YTHDC2: variants seen among roughly 807,000 people sequenced by gnomAD.
YTHDC2 encodes the protein YTH N6-methyladenosine RNA binding protein C2.
Under a neutral mutation model 174.9 loss-of-function variants are expected in YTHDC2, and 45 were observed. The observed-to-expected ratio is 0.26, with a 90% CI of 0.20 to 0.33. YTHDC2 has a LOEUF of 0.33. Ranked by LOEUF, YTHDC2 falls within the 10% of genes least tolerant of loss-of-function variation. YTHDC2 has a pLI of 1.00. For missense variants in YTHDC2, 1,650 were observed against 1,723.7 expected (o/e 0.96, Z 0.76); for synonymous variants, 657 against 574.5 (o/e 1.14, Z -2.05).
chr5:113,562,878 A>G (rs1471877991), intron 18 of YTHDC2, among the ~76,000 whole-genome samples: 1 of 152,100 alleles, frequency 6.6e-6, no homozygotes, highest in Non-Finnish European at 1.5e-5. Flanking sequence ...GTAATTAAGT[A>G]GTTAATTATA....
chr5:113,556,076 G>A lies in YTHDC2; in HGVS notation c.2158G>A (p.Val720Ile). 2 of 1,607,132 alleles carry A rather than the reference G, an allele frequency of 1.2e-6. No individual in the cohort carries two copies. The change falls in exon 17 of 30, where the codon GTT becomes ATT. Residue 720 changes from valine to isoleucine, a missense_variant. Val to Ile is a conservative substitution (Grantham distance 29). Around this residue, in one of 5 missense-constraint regions of YTHDC2, gnomAD observed 913 missense variants for 940.4 expected, o/e 0.97. Transcript: ENST00000161863. The part of the protein sequence containing the change: ...KEKSFDALNF[V>I]TMLKMVWISK... Reference sequence around the variant, plus strand: ...GAAATCCTTTGATGCTCTGAATTTTGTTACAATGTTAAAAATGGTATGGAT... The same window carrying A: ...GAAATCCTTTGATGCTCTGAATTTTATTACAATGTTAAAAATGGTATGGAT...
chr5:113,588,273 T>G (rs1310492721), intron 26 of YTHDC2, among the ~76,000 whole-genome samples: 3 of 152,142 alleles, frequency 2.0e-5, no homozygotes, highest in Non-Finnish European at 2.9e-5. Flanking sequence ...ATCTTTCCCT[T>G]GATCTTAGGG....
intron 23 of YTHDC2, among the ~76,000 whole-genome samples, chr5:113,577,309 T>C (rs1457141816): frequency 1.3e-5 from 2 of 152,220 alleles, no homozygotes; most frequent in Non-Finnish European, 2.9e-5. Flanking sequence ...TTTTAAATAA[T>C]GAATATTCAT....
Position 113,566,140 on chromosome 5 carries a change from T to C in YTHDC2, c.2842+121T>C, listed in dbSNP as rs568372693. On this transcript the variant is annotated intron_variant, in intron 21 of 29. Transcript: ENST00000161863. ...TTTTATGACATTATCATGTTGTGTA[T>C]CTTATATTCATGCATGATTTGTAGA... 9.6e-6 allele frequency: 11 copies of C among 1,141,990 alleles called. No individual in the cohort carries two copies. The East Asian group carries it at 1.6e-4, about 17-fold the overall frequency. The allele number at this position is 1,141,990 out of a possible 1,614,324, so 70.7% of individuals were successfully genotyped here.
chr5:113,566,948 A>T (rs1340560863), intron 21 of YTHDC2, 144 bp from the exon 22 acceptor site: 10 of 953,732 alleles, frequency 1.0e-5, no homozygotes, highest in Non-Finnish European at 1.4e-5. Flanking sequence ...TCATATTTTA[A>T]ACAACTTTCC....
intron 10 of YTHDC2, among the ~76,000 whole-genome samples, chr5:113,546,103 T>C (rs1378820421): frequency 1.3e-5 from 2 of 152,152 alleles, no homozygotes; most frequent in Non-Finnish European, 2.9e-5. Flanking sequence ...CATCTGCAGT[T>C]TTCTTGCGTT....
intron 17 of YTHDC2, among the ~76,000 whole-genome samples, chr5:113,559,177 G>T (rs1260434733): frequency 6.6e-6 from 1 of 152,076 alleles, no homozygotes; most frequent in East Asian, 1.9e-4. Flanking sequence ...AGGCTGAAGG[G>T]TGGGTATAGT....
chr5:113,556,409 G>GAC (rs1188979579), intron 17 of YTHDC2: 2 of 226,740 alleles, frequency 8.8e-6, no homozygotes, highest in Non-Finnish European at 1.7e-5. Flanking sequence ...TGCAATGTAG[G>GAC]ACAAAGAGCT....
At chr5:113,555,983 A>G in intron 16 of YTHDC2, 69 bp from the exon 17 acceptor site, 1 of 910,478 alleles carries the variant, frequency 1.1e-6, no homozygotes, top group Non-Finnish European at 1.7e-6. Context: ...AAATATGTTG[A>G]TAACATTCTT....
chr5:113,533,456 G>A (rs1210624400), intron 5 of YTHDC2, among the ~76,000 whole-genome samples: 7 of 152,012 alleles, frequency 4.6e-5, no homozygotes, highest in Admixed American at 4.6e-4. Context: ...GGCTGAGGCA[G>A]GAGAATCGTT....
intron 12 of YTHDC2, among the ~76,000 whole-genome samples, chr5:113,550,413 A>G (rs1334637457): frequency 6.6e-6 from 1 of 152,164 alleles, no homozygotes; most frequent in African/African-American, 2.4e-5. Context: ...AGGAAAAACA[A>G]AAAGTTACAC....
intron 1 of YTHDC2, among the ~76,000 whole-genome samples, chr5:113,514,761 GAGAA>G (rs548987593): frequency 8.6e-4 from 131 of 152,284 alleles, no homozygotes; most frequent in Non-Finnish European, 1.4e-3. Flanking sequence ...ATTAAAAAAA[GAGAA>G]AGCCTCAGCA....
intron 2 of YTHDC2, among the ~76,000 whole-genome samples, chr5:113,519,885 C>A (rs942215124): frequency 2.6e-5 from 4 of 152,100 alleles, no homozygotes; most frequent in African/African-American, 4.8e-5. Flanking sequence ...AATTTCTTTT[C>A]TTTTTAATTT....
intron 2 of YTHDC2, among the ~76,000 whole-genome samples, chr5:113,518,805 ACT>A (rs1437762448): frequency 6.6e-6 from 1 of 151,242 alleles, no homozygotes; most frequent in African/African-American, 2.4e-5. Flanking sequence ...TCTTTTTGAT[ACT>A]CTTTCTTTCA....
chr5:113,580,039 C>G lies in YTHDC2; in HGVS notation c.3354+344C>G, dbSNP rs1679918896. On this transcript the variant is annotated intron_variant, in intron 24 of 29. Coordinates refer to ENST00000161863, the MANE Select transcript of YTHDC2 (RefSeq NM_022828.5). The stretch of plus-strand genomic sequence containing the variant: ...CTGACGTCGGTTGAGGGCTGCTGGA[C>G]CCTGCCTCCTATAGAGTGGAGGAAT... 8 of 563,300 alleles carry G rather than the reference C, an allele frequency of 1.4e-5. No homozygotes were observed. In the South Asian group the frequency reaches 5.4e-4, roughly 38 times the overall value. 34.9% of individuals were successfully genotyped at this position (563,300 alleles called of 1,614,324 possible). A position where few individuals can be genotyped will look rare whatever the true frequency, so the allele number is the denominator to read the frequency against.
At chr5:113,568,912 G>A (rs1271540888) in intron 23 of YTHDC2, among the ~76,000 whole-genome samples, 1 of 151,954 alleles carries the variant, frequency 6.6e-6, no homozygotes, top group Non-Finnish European at 1.5e-5. Context: ...TCTGCCTCCA[G>A]GTCTTTGAAG....
At chr5:113,548,262 G>A (rs1776019334) in intron 10 of YTHDC2, among the ~76,000 whole-genome samples, 1 of 152,176 alleles carries the variant, frequency 6.6e-6, no homozygotes, top group Admixed American at 6.5e-5. Flanking sequence ...CTTTTCTGTT[G>A]AAATAATATA....
intron 12 of YTHDC2, among the ~76,000 whole-genome samples, chr5:113,552,534 A>G (rs1488233942): frequency 1.3e-5 from 2 of 152,168 alleles, no homozygotes; most frequent in Non-Finnish European, 2.9e-5. Flanking sequence ...TTCTATGGAT[A>G]TACCAAGGTT....
chr5:113,580,378 A>G (rs1778323145), intron 24 of YTHDC2, among the ~76,000 whole-genome samples: 1 of 152,118 alleles, frequency 6.6e-6, no homozygotes, highest in East Asian at 1.9e-4. Flanking sequence ...GAAAGATATG[A>G]TTCCATACTA....
Sources: allele counts gnomAD v4.1 joint callset (sites outside exome capture counted in the v4.1 genomes callset), GRCh38; gene constraint gnomAD v4.1.1; regional missense constraint gnomAD v4.1.1; transcripts MANE v1.5; gene names NCBI Gene and HGNC (gene_info 2026-07-23, HGNC 2026-07-21).